The following THSD7B variants were observed in gnomAD, a reference collection of about 807,000 sequenced individuals.
THSD7B encodes thrombospondin type-1 domain-containing protein 7B.
In THSD7B, 138 loss-of-function variants were observed where a neutral mutation model predicts 213.6. The observed-to-expected ratio is 0.65, with a 90% confidence interval of 0.56 to 0.74. The LOEUF (loss-of-function observed/expected upper bound fraction) is 0.74, where lower values mean the gene tolerates loss of function less well. Among genes scored for constraint, THSD7B ranks in the 30% least tolerant of loss-of-function variants. The pLI is 0.00. For missense variants in THSD7B, 1,931 were observed against 1,991.5 expected (o/e 0.97, Z 0.58); for synonymous variants, 742 against 687.0 (o/e 1.08, Z -1.25).
At chr2:137,363,425 T>C (rs1473135059) in intron 12 of THSD7B, among the ~76,000 whole-genome samples, 1 of 151,972 alleles carries the variant, frequency 6.6e-6, no homozygotes, top group Non-Finnish European at 1.5e-5. Flanking sequence ...AAAAAACCCT[T>C]CAAAAAAATC....
At chr2:137,594,348 G>A (rs1432605328) in intron 17 of THSD7B, among the ~76,000 whole-genome samples, 2 of 151,928 alleles carry the variant, frequency 1.3e-5, no homozygotes, top group Non-Finnish European at 2.9e-5. Flanking sequence ...TGAGAGTCTC[G>A]GGTGCAAGTC....
chr2:137,528,118 A>G (rs546785090), intron 15 of THSD7B, among the ~76,000 whole-genome samples: 4 of 152,242 alleles, frequency 2.6e-5, no homozygotes, highest in African/African-American at 9.6e-5. Context: ...TTGATGTTCA[A>G]TTTTGTTGAA....
intron 2 of THSD7B, among the ~76,000 whole-genome samples, chr2:136,986,243 A>G (rs988592075): frequency 3.3e-5 from 5 of 152,206 alleles, no homozygotes; most frequent in Non-Finnish European, 7.4e-5. Flanking sequence ...TGAGAAGGAC[A>G]TTAGATTTGG....
intron 1 of THSD7B, among the ~76,000 whole-genome samples, chr2:136,778,839 A>G (rs1681662085): frequency 6.6e-6 from 1 of 152,236 alleles, no homozygotes; most frequent in Non-Finnish European, 1.5e-5. Context: ...CTAGGAACAG[A>G]CATTTACTAA....
chr2:137,500,491 A>G (rs1679677182), intron 15 of THSD7B, among the ~76,000 whole-genome samples: 2 of 152,202 alleles, frequency 1.3e-5, no homozygotes, highest in South Asian at 4.1e-4. Context: ...TGACACACCA[A>G]CAAAGAAAAT....
At chr2:136,954,572 T>C (rs1286062776) in intron 2 of THSD7B, among the ~76,000 whole-genome samples, 1 of 151,868 alleles carries the variant, frequency 6.6e-6, no homozygotes, top group East Asian at 1.9e-4. Context: ...AAAAATTAGC[T>C]GGGCGAGGTG....
At chr2:137,308,939 T>A (rs1349206867) in intron 12 of THSD7B, among the ~76,000 whole-genome samples, 4 of 152,142 alleles carry the variant, frequency 2.6e-5, no homozygotes, top group Non-Finnish European at 5.9e-5. Flanking sequence ...CTGAATGATA[T>A]GACATTGTTT....
intron 6 of THSD7B, among the ~76,000 whole-genome samples, chr2:137,167,579 T>G (rs1343438196): frequency 6.6e-6 from 1 of 152,166 alleles, no homozygotes; most frequent in Non-Finnish European, 1.5e-5. Context: ...AATTCTTCCA[T>G]GGCTTCAATT....
At chr2:136,852,423 A>C (rs1399432394) in intron 1 of THSD7B, among the ~76,000 whole-genome samples, 2 of 152,202 alleles carry the variant, frequency 1.3e-5, no homozygotes, top group Non-Finnish European at 2.9e-5. Context: ...AACAACCTGA[A>C]TGGAAGTAGA....
At chr2:137,369,150 CATAT>C (rs3048439) in intron 12 of THSD7B, among the ~76,000 whole-genome samples, 1 of 135,684 alleles carries the variant, frequency 7.4e-6, no homozygotes, top group Non-Finnish European at 1.5e-5. Context: ...CGGGGGGGAC[CATAT>C]ATATATATAT....
At chr2:137,536,774 G>A (rs998192878) in intron 15 of THSD7B, among the ~76,000 whole-genome samples, 1 of 151,592 alleles carries the variant, frequency 6.6e-6, no homozygotes, top group Non-Finnish European at 1.5e-5. Context: ...TGTGATTGAT[G>A]CTTCTCCAGT....
intron 17 of THSD7B, among the ~76,000 whole-genome samples, chr2:137,599,971 T>A (rs1169523188): frequency 1.3e-5 from 2 of 152,036 alleles, no homozygotes; most frequent in African/African-American, 4.8e-5. Flanking sequence ...GGCGTGACAA[T>A]TTTCCAATGC....
intron 2 of THSD7B, among the ~76,000 whole-genome samples, chr2:136,886,174 T>G (rs1052374280): frequency 6.6e-6 from 1 of 152,028 alleles, no homozygotes; most frequent in African/African-American, 2.4e-5. Flanking sequence ...GGGGTCCACA[T>G]GGGGTATGTC....
intron 10 of THSD7B, among the ~76,000 whole-genome samples, chr2:137,267,026 C>A (rs540235385): frequency 6.6e-6 from 1 of 152,184 alleles, no homozygotes; most frequent in African/African-American, 2.4e-5. Context: ...CATTTCTTCT[C>A]GCTTTGCTAT....
At chr2:137,231,385 C>T (rs114706168) in intron 8 of THSD7B, 150 bp downstream of exon 8, 39,163 of 891,042 alleles carry the variant, frequency 0.044, 1,184 homozygotes, top group Non-Finnish European at 0.047. Context: ...TTTCATTTCC[C>T]TCCATGCTTT....
At chr2:137,410,541 T>A (rs957593621) in intron 13 of THSD7B, among the ~76,000 whole-genome samples, 1 of 152,164 alleles carries the variant, frequency 6.6e-6, no homozygotes, top group Non-Finnish European at 1.5e-5. Flanking sequence ...AGTGCTGGGA[T>A]TACAGATGTG....
At chr2:136,940,324 G>A (rs762586397) in intron 2 of THSD7B, among the ~76,000 whole-genome samples, 1 of 151,982 alleles carries the variant, frequency 6.6e-6, no homozygotes, top group African/African-American at 2.4e-5. Context: ...CAACCATGCT[G>A]CTACAAAAGA....
intron 3 of THSD7B, among the ~76,000 whole-genome samples, chr2:137,086,420 C>T (rs1355007776): frequency 1.3e-5 from 2 of 152,104 alleles, no homozygotes; most frequent in East Asian, 3.9e-4. Context: ...TGCCCACACC[C>T]CTTGGTTCCT....
At chr2:136,772,086 C>T (rs988654084) in intron 1 of THSD7B, among the ~76,000 whole-genome samples, 1 of 151,952 alleles carries the variant, frequency 6.6e-6, no homozygotes, top group Non-Finnish European at 1.5e-5. Context: ...GGTACCTTGT[C>T]TAAGGTGAAT....
Sources: gnomAD v4.1 joint callset for allele counts (sites outside exome capture counted in the v4.1 genomes callset) on GRCh38, gnomAD v4.1.1 for gene constraint, MANE v1.5 for transcripts, NCBI Gene and HGNC (gene_info 2026-07-23, HGNC 2026-07-21) for gene names.